Variants in SIRPG observed in about 807,000 individuals in gnomAD.
The protein encoded by SIRPG is signal-regulatory protein gamma.
SIRPG carries 38 observed loss-of-function variants against 35.7 expected under a neutral mutation model. The observed-to-expected ratio is 1.06, with a 90% CI of 0.82 to 1.40. The LOEUF (loss-of-function observed/expected upper bound fraction) is 1.40. SIRPG is among the 40% of genes most tolerant of loss of function. The pLI, the probability that SIRPG is intolerant of heterozygous loss-of-function variation, is 0.00. For missense variants in SIRPG, 519 were observed against 483.0 expected, an observed-to-expected ratio of 1.07 and a Z score of -0.70; for synonymous variants, 215 against 190.4, an observed-to-expected ratio of 1.13 and a Z score of -1.06.
intron 2 of SIRPG, among the ~76,000 whole-genome samples, chr20:1,638,175 C>T (rs147012670): frequency 6.6e-6 from 1 of 152,290 alleles, no homozygotes; most frequent in East Asian, 1.9e-4. Flanking sequence ...CTCTTTAATC[C>T]TCCCTTTATT....
the SIRPG span, among the ~76,000 whole-genome samples, chr20:1,668,386 G>A: frequency 1.3e-5 from 2 of 151,570 alleles, no homozygotes; most frequent in African/African-American, 2.4e-5. Context: ...GGGTTCAAGC[G>A]ATTCTTCTGC....
the SIRPG span, among the ~76,000 whole-genome samples, chr20:1,685,432 C>T: frequency 6.6e-6 from 1 of 152,018 alleles, no homozygotes; most frequent in African/African-American, 2.4e-5. Context: ...GATGAGGACA[C>T]AGACACACAC....
chr20:1,664,257 TAG>T, the SIRPG span, among the ~76,000 whole-genome samples: 1 of 152,176 alleles, frequency 6.6e-6, no homozygotes, highest in Non-Finnish European at 1.5e-5. Context: ...ACATGGGATT[TAG>T]AGAGAACAAA....
At chr20:1,685,450 A>C in the SIRPG span, among the ~76,000 whole-genome samples, 1 of 152,156 alleles carries the variant, frequency 6.6e-6, no homozygotes, top group Admixed American at 6.5e-5. Flanking sequence ...CACTGAGGGA[A>C]GAACACGTAA....
the SIRPG span, among the ~76,000 whole-genome samples, chr20:1,682,538 G>A: frequency 4.6e-5 from 7 of 152,128 alleles, no homozygotes; most frequent in Admixed American, 3.9e-4. Flanking sequence ...TGCCATATGG[G>A]ACAACTCCAT....
At chr20:1,657,610 G>C (rs1405436520) in intron 1 of SIRPG, 32 bp downstream of exon 1, 2 of 1,609,430 alleles carry the variant, frequency 1.2e-6, no homozygotes, top group East Asian at 4.5e-5. Context: ...AGGAAGCAGG[G>C]AGAAAGGGTT....
At chr20:1,630,373 C>T in intron 4 of SIRPG, 67 bp from the exon 5 acceptor site, 1 of 1,253,344 alleles carries the variant, frequency 8.0e-7, no homozygotes, top group Non-Finnish European at 1.1e-6. Flanking sequence ...GGGGCCTCCA[C>T]TTACCCCATC....
Position 1,649,227 on chromosome 20 carries a change from G to A in SIRPG, c.255C>T (p.Phe85=), listed in dbSNP as rs2091920712. The change falls in exon 2 of 6, where the codon TTC becomes TTT. Residue 85 remains phenylalanine, a synonymous_variant. Transcript: ENST00000303415. ...GGTCTGAAACTGTTGTTACCCTGGG[G>A]AAGTGGCCTTCTTTTTGATTGTAGA... ...ELIYNQKEGH[F]PRVTTVSDLT... is the part of the protein sequence containing the mutation. 6.2e-7 allele frequency: 1 copy of A among 1,614,048 alleles called. No homozygotes were observed. The highest frequency in any genetic ancestry group is 1.7e-5 in the Admixed American group (1 of 60,002).
chr20:1,651,615 C>A (rs906413619), intron 1 of SIRPG, among the ~76,000 whole-genome samples: 2 of 152,094 alleles, frequency 1.3e-5, no homozygotes, highest in African/African-American at 4.8e-5. Flanking sequence ...ACACTAATGG[C>A]AATGAGGAGG....
At chr20:1,685,920 A>G in the SIRPG span, among the ~76,000 whole-genome samples, 1 of 152,170 alleles carries the variant, frequency 6.6e-6, no homozygotes, top group East Asian at 1.9e-4. Context: ...GGCCTTGGGC[A>G]GATGGTTTTG....
At chr20:1,643,778 C>A (rs753276433) in intron 2 of SIRPG, among the ~76,000 whole-genome samples, 1 of 152,096 alleles carries the variant, frequency 6.6e-6, no homozygotes, top group Non-Finnish European at 1.5e-5. Context: ...TTTGTTGATG[C>A]TGTTGTTGCC....
chr20:1,681,451 AGAAT>A, the SIRPG span, among the ~76,000 whole-genome samples: 1 of 152,156 alleles, frequency 6.6e-6, no homozygotes, highest in Non-Finnish European at 1.5e-5. Flanking sequence ...GGGGGTGATA[AGAAT>A]CTCTACCTTG....
At chr20:1,668,202 T>TCTTTCTTTCTTC in the SIRPG span, among the ~76,000 whole-genome samples, 14 of 33,124 alleles carry the variant, frequency 4.2e-4, no homozygotes, top group African/African-American at 1.1e-3. Context: ...TCTTTTCTTT[T>TCTTTCTTTCTTC]CTTTCTTTCT....
the SIRPG span, among the ~76,000 whole-genome samples, chr20:1,672,527 T>C: frequency 2.8e-4 from 43 of 152,308 alleles, 1 homozygote; most frequent in South Asian, 1.7e-3. Context: ...CCTGGAGTAC[T>C]TTAAGTAACC....
the SIRPG span, among the ~76,000 whole-genome samples, chr20:1,663,069 G>A: frequency 5.9e-5 from 9 of 151,764 alleles, no homozygotes; most frequent in African/African-American, 1.9e-4. Context: ...ATCCCAGCAC[G>A]TTGGGAGGCC....
chr20:1,648,387 C>T (rs2091913032), intron 2 of SIRPG: 1 of 152,198 alleles, frequency 6.6e-6, no homozygotes, highest in South Asian at 2.1e-4. Flanking sequence ...GGCCATTAGA[C>T]TAAACAGTGA....
chr20:1,672,689 A>G, the SIRPG span, among the ~76,000 whole-genome samples: 1 of 152,294 alleles, frequency 6.6e-6, no homozygotes, highest in African/African-American at 2.4e-5. Flanking sequence ...CCCAAAGTAC[A>G]ATTCTTTATT....
chr20:1,666,886 C>G, the SIRPG span, among the ~76,000 whole-genome samples: 6 of 151,638 alleles, frequency 4.0e-5, no homozygotes, highest in Middle Eastern at 6.8e-3. Context: ...TTTACTGCAC[C>G]TTTTAATGTT....
rs771536811 is a variant in SIRPG, at chr20:1,636,191, G to A, written c.745C>T (p.Arg249Ter). The change falls in exon 3 of 6, where the codon CGA becomes TGA. Residue 249 changes from arginine to a stop codon, truncating the protein, a stop_gained. Transcript: ENST00000303415. LOFTEE classifies it high-confidence loss of function. ...RGTANLSEAI[R>*]VPPTLEVTQQ... ...GCTGGGTGTGAGGGTCCTCTACCTC[G>A]GATGGCCTCAGACAAGTTGGCAGTC... 14 of 1,613,964 alleles carry A rather than the reference G, an allele frequency of 8.7e-6. No homozygotes were observed. Among genetic ancestry groups the A allele is most frequent in the African/African-American group, 2.7e-5 (2 of 74,890 alleles).
Sources: allele counts gnomAD v4.1 joint callset (sites outside exome capture counted in the v4.1 genomes callset), GRCh38; gene constraint gnomAD v4.1.1; transcripts MANE v1.5; gene names NCBI Gene and HGNC (gene_info 2026-07-23, HGNC 2026-07-21).